The following KCP variants were observed in gnomAD, a reference collection of about 807,000 sequenced individuals.
KCP encodes the protein kielin cysteine rich BMP regulator, also known as kielin/chordin-like protein.
Under a neutral mutation model 212.7 loss-of-function variants are expected in KCP, and 194 were observed. The ratio of observed to expected loss-of-function variants is 0.91; its 90% CI spans 0.81 to 1.03. The LOEUF is 1.03. Among genes scored for constraint, KCP ranks in the 50% least tolerant of loss-of-function variants. The pLI is 0.00. For missense variants in KCP, 2,080 were observed against 2,162.5 expected, an observed-to-expected ratio of 0.96 and a Z score of 0.76; for synonymous variants, 833 against 865.3, an observed-to-expected ratio of 0.96 and a Z score of 0.65.
intron 21 of KCP, 192 bp downstream of exon 21, chr7:128,890,151 C>A: frequency 2.9e-6 from 3 of 1,024,030 alleles, no homozygotes; most frequent in Non-Finnish European, 4.3e-6. Flanking sequence ...AACTCCTGGG[C>A]TCAAGTGATC....
At position 128,910,659 on chromosome 7, in the gene KCP, G is replaced by A. The variant is rs1390692920; in HGVS notation, c.18C>T (p.Ala6=). Reference sequence around the variant, plus strand: ...GGTGCAGGAGAAGGGACAGCGCAGCGGCCCCGACCCCGGCCATGCTAGCTC... The same window carrying A: ...GGTGCAGGAGAAGGGACAGCGCAGCAGCCCCGACCCCGGCCATGCTAGCTC... The part of the protein sequence containing the change: MAGVG[A]AALSLLLHLG... Residue 6 remains alanine (A), a synonymous_variant, in exon 1 of 40, where the codon GCC becomes GCT. Coordinates refer to ENST00000610776, the MANE Select transcript of KCP (RefSeq NM_001366122.1). 2.0e-6 allele frequency: 3 copies of A among 1,508,910 alleles called. No homozygotes were observed. Among genetic ancestry groups the A allele is most frequent in the Non-Finnish European group, 2.6e-6 (3 of 1,135,934 alleles). The allele number at this position is 1,508,910 out of a possible 1,614,324, so 93.5% of individuals were successfully genotyped here. A position where few individuals can be genotyped will look rare whatever the true frequency, so the allele number is the denominator to read the frequency against.
At position 128,890,606 on chromosome 7, in the gene KCP, TCGTGGGGGC is replaced by T. The variant is rs958851312; in HGVS notation, c.2165-102_2165-94del. On this transcript the variant is annotated intron_variant, in intron 20 of 39. Transcript: ENST00000610776. ...GGTTGAGGGGCGTGGAGGACGGGTG[TCGTGGGGGC>T]CGTGGGGGCTGGAGGTCGTGGGGGC... 1.1e-5 allele frequency: 6 copies of T among 561,230 alleles called. No individual in the cohort carries two copies. The Admixed American group carries it at 1.2e-4, about 11-fold the overall frequency. 34.8% of individuals were successfully genotyped at this position (561,230 alleles called of 1,614,324 possible). A position where few individuals can be genotyped will look rare whatever the true frequency, so the allele number is the denominator to read the frequency against.
chr7:128,885,236 G>A lies in KCP; in HGVS notation c.2901C>T (p.Gly967=). The A allele has an allele frequency of 6.5e-6, 10 of 1,549,230 alleles. No homozygotes were observed. The highest frequency in any genetic ancestry group is 8.7e-6 in the Non-Finnish European group (10 of 1,145,718). ...CACTGTCGGGGGGCACCCATCTACT[G>A]CCTTCGGGGTGCTCTTCCCCATGAG... is the stretch of plus-strand genomic sequence containing the variant. The part of the protein sequence containing the change: ...CLAHGEEHPE[G]SRWVPPDSAC... The change falls in exon 27 of 40, where the codon GGC becomes GGT. Residue 967 remains glycine (G), a synonymous_variant. Coordinates refer to ENST00000610776, the MANE Select transcript of KCP (RefSeq NM_001366122.1).
chr7:128,886,738 C>T lies in KCP; in HGVS notation c.2690-1G>A. The T allele has an allele frequency of 6.4e-7, 1 of 1,551,524 alleles. No homozygotes were observed. Among genetic ancestry groups the T allele is most frequent in the South Asian group, 1.2e-5 (1 of 84,068 alleles). ...TGCTCCCGGCCCTGAGAGAGACAGCCTGTGGGGGACACACCTCCTGGGTGG... is the reference window on the plus strand; with the variant it reads ...TGCTCCCGGCCCTGAGAGAGACAGCTTGTGGGGGACACACCTCCTGGGTGG... On this transcript the variant is annotated splice_acceptor_variant, in intron 24 of 39. Transcript: ENST00000610776. LOFTEE classifies it high-confidence loss of function.
In KCP at chr7:128,891,049, G is replaced by A. The variant is rs1794086831; in HGVS notation, c.2020C>T (p.Arg674Cys). The A allele has an allele frequency of 2.9e-6, 4 of 1,375,842 alleles. No homozygotes were observed. Among genetic ancestry groups the A allele is most frequent in the South Asian group, 3.4e-5 (2 of 58,960 alleles). The allele number at this position is 1,375,842 out of a possible 1,614,324, so 85.2% of individuals were successfully genotyped here. ...GCPRPGAAHA[R>C]HQEYFSPPGD... ...GGCGGGGAGAAGTACTCCTGGTGGC[G>A]GGCGTGGGCCGCGCCGGGCCGTGGG... is the stretch of plus-strand genomic sequence containing the variant. The change falls in exon 20 of 40, where the codon CGC (arginine) becomes TGC (cysteine). Residue 674 changes from arginine (R) to cysteine (C), a missense_variant. By Grantham distance (180) the Arg-to-Cys change is radical (BLOSUM62 -3). Coordinates refer to ENST00000610776, the MANE Select transcript of KCP (RefSeq NM_001366122.1).
intron 22 of KCP, among the ~76,000 whole-genome samples, chr7:128,888,119 TAC>T (rs199831809): frequency 3.3e-3 from 389 of 117,756 alleles, no homozygotes; most frequent in South Asian, 0.011. Context: ...GCTACAGCCA[TAC>T]ACACACACAC....
At chr7:128,881,793 G>T in intron 30 of KCP, 68 bp from the exon 31 acceptor site, 1 of 1,411,914 alleles carries the variant, frequency 7.1e-7, no homozygotes, top group South Asian at 1.2e-5. Context: ...GTAAGGCATA[G>T]GCAGGATGTG....
chr7:128,897,662 T>C (rs2128948965), intron 8 of KCP, among the ~76,000 whole-genome samples: 1 of 152,358 alleles, frequency 6.6e-6, no homozygotes, highest in South Asian at 2.1e-4. Context: ...GTCTAAATTA[T>C]GCAGGTCAGA....
intron 5 of KCP, among the ~76,000 whole-genome samples, chr7:128,904,830 A>T (rs900626759): frequency 2.6e-5 from 4 of 152,242 alleles, no homozygotes; most frequent in Non-Finnish European, 5.9e-5. Flanking sequence ...TTTCCAGCAG[A>T]TGGCAGTAAA....
intron 23 of KCP, 70 bp from the exon 24 acceptor site, chr7:128,887,036 G>A: frequency 9.8e-7 from 1 of 1,022,154 alleles, no homozygotes; most frequent in Non-Finnish European, 1.5e-6. Context: ...CCCCTACTGA[G>A]CCTGCAGGGG....
chr7:128,884,767 G>T lies in KCP; in HGVS notation c.3123+14C>A, dbSNP rs1430341221. ...GACGAGGTGCCCCAGCCCCACCACT[G>T]TGCCCTCACCTACCTCGCAGATGCA... On this transcript the variant is annotated intron_variant, in intron 28 of 39. Coordinates refer to ENST00000610776, the MANE Select transcript of KCP (RefSeq NM_001366122.1). The T allele has an allele frequency of 6.4e-7, 1 of 1,550,650 alleles. No homozygotes were observed. The highest frequency in any genetic ancestry group is 8.7e-7 in the Non-Finnish European group (1 of 1,146,762).
intron 22 of KCP, among the ~76,000 whole-genome samples, chr7:128,888,577 C>T (rs1472521900): frequency 6.6e-6 from 1 of 150,530 alleles, no homozygotes; most frequent in Non-Finnish European, 1.5e-5. Flanking sequence ...CATATACACA[C>T]GGCCACACAC....
chr7:128,886,315 G>A (rs964856981), intron 26 of KCP, 149 bp downstream of exon 26: 1 of 639,548 alleles, frequency 1.6e-6, no homozygotes, highest in African/African-American at 1.8e-5. Context: ...AGAGGTAGGA[G>A]AAGCTGAAGG....
chr7:128,892,594 G>A lies in KCP; in HGVS notation c.1541C>T (p.Thr514Ile). 1.3e-6 allele frequency: 2 copies of A among 1,551,048 alleles called. No individual in the cohort carries two copies. Among genetic ancestry groups the A allele is most frequent in the East Asian group, 2.4e-5 (1 of 40,914 alleles). Reference sequence around the variant, plus strand: ...GGGAGGGCAGTCAACCAAGGAGCATGTCACAGTTCCATCCTGCGAGAGAGC... The same window carrying A: ...GGGAGGGCAGTCAACCAAGGAGCATATCACAGTTCCATCCTGCGAGAGAGC... ...HACHCQDGTV[T>I]CSLVDCPPTT... Residue 514 changes from threonine to isoleucine, a missense_variant, in exon 16 of 40, where the codon ACA (threonine) becomes ATA (isoleucine). By Grantham distance (89) the Thr-to-Ile change is moderately conservative. Transcript: ENST00000610776.
intron 22 of KCP, among the ~76,000 whole-genome samples, chr7:128,887,608 TACACCCCCCCAC>T (rs1467854007): frequency 2.2e-5 from 2 of 92,574 alleles, no homozygotes; most frequent in African/African-American, 8.4e-5. Flanking sequence ...CAGCCACACC[TACACCCCCCCAC>T]ACACAGCCAC....
intron 37 of KCP, chr7:128,878,987 G>A (rs548107983): frequency 2.3e-5 from 11 of 488,322 alleles, no homozygotes; most frequent in African/African-American, 1.3e-4. Context: ...TGCCATCCCT[G>A]CACTGGGCCC....
At position 128,907,417 on chromosome 7, in the gene KCP, ACT is replaced by A. The variant is rs749377193; in HGVS notation, c.254_255del (p.Glu85ValfsTer3). On this transcript the variant is annotated frameshift_variant, in exon 3 of 40. Transcript: ENST00000610776. LOFTEE classifies it high-confidence loss of function. ...GGAGATGCAGGGTGGCACTCACAGG[ACT>A]CCAGCTGCCTCACCCTCGTCTGCAG... is the stretch of plus-strand genomic sequence containing the variant. Reference protein sequence around the residue: ...KDLQTRVRQLESCECHPASPQ... With the variant: ...KDLQTRVRQLXSCECHPASPQ... 865 of 1,514,558 alleles carry A rather than the reference ACT, an allele frequency of 5.7e-4. No individual in the cohort carries two copies. Among genetic ancestry groups the A allele is most frequent in the Middle Eastern group, 6.9e-4 (4 of 5,806 alleles). 93.8% of individuals were successfully genotyped at this position (1,514,558 alleles called of 1,614,324 possible).
chr7:128,884,889 G>A (rs1322200478), intron 27 of KCP, 26 bp from the exon 28 acceptor site: 20 of 1,547,362 alleles, frequency 1.3e-5, no homozygotes, highest in South Asian at 2.4e-5. Context: ...AGAGCAGAAC[G>A]GGACCAGGGG....
chr7:128,884,923 G>A (rs1563024986), intron 27 of KCP, 60 bp from the exon 28 acceptor site: 8 of 1,516,582 alleles, frequency 5.3e-6, no homozygotes, highest in Non-Finnish European at 6.3e-6. Context: ...CAGCGAGGCA[G>A]GGGTGGAGTC....
Sources: allele counts gnomAD v4.1 joint callset (sites outside exome capture counted in the v4.1 genomes callset), GRCh38; gene constraint gnomAD v4.1.1; transcripts MANE v1.5; gene names NCBI Gene and HGNC (gene_info 2026-07-23, HGNC 2026-07-21).